Variants in MIPEP observed in about 807,000 individuals in gnomAD.
The protein encoded by MIPEP is mitochondrial intermediate peptidase.
MIPEP carries 79 observed loss-of-function variants against 90.3 expected under a neutral mutation model. That is an observed-to-expected ratio of 0.87 (90% confidence interval 0.73 to 1.05). The LOEUF (loss-of-function observed/expected upper bound fraction) is 1.05. Ranked by LOEUF, MIPEP falls within the 50% of genes least tolerant of loss-of-function variation. The pLI is 0.00. For synonymous variants in MIPEP, 334 were observed against 315.8 expected (o/e 1.06, Z -0.61); for missense variants, 940 against 905.6 (o/e 1.04, Z -0.49).
At chr13:23,772,680 G>A (rs1415661033) in intron 16 of MIPEP, among the ~76,000 whole-genome samples, 1 of 152,122 alleles carries the variant, frequency 6.6e-6, no homozygotes, top group African/African-American at 2.4e-5. Flanking sequence ...TGAGCTGATG[G>A]CCTCATATTT....
intron 18 of MIPEP, among the ~76,000 whole-genome samples, chr13:23,753,840 A>C (rs1952465578): frequency 6.6e-6 from 1 of 152,220 alleles, no homozygotes; most frequent in African/African-American, 2.4e-5. Flanking sequence ...TTCAAAGATC[A>C]AAAGCATTCC....
intron 16 of MIPEP, among the ~76,000 whole-genome samples, chr13:23,779,027 T>C (rs1952747289): frequency 6.6e-6 from 1 of 152,202 alleles, no homozygotes; most frequent in African/African-American, 2.4e-5. Flanking sequence ...AATCCTTTCT[T>C]GTTAATTTGA....
intron 5 of MIPEP, 145 bp from the exon 6 acceptor site, chr13:23,870,340 ATTG>A (rs542597013): frequency 2.9e-4 from 106 of 368,670 alleles, no homozygotes; most frequent in Non-Finnish European, 4.3e-4. Context: ...AAATGAATAT[ATTG>A]TTACTATATT....
At chr13:23,813,431 T>G (rs7325724) in intron 14 of MIPEP, among the ~76,000 whole-genome samples, 36,927 of 152,032 alleles carry the variant, frequency 0.24, 5,137 homozygotes, top group African/African-American at 0.38. Flanking sequence ...TCCTGTATAT[T>G]TGAAATCACC....
intron 18 of MIPEP, chr13:23,747,524 A>T: frequency 2.0e-6 from 1 of 509,248 alleles, no homozygotes; most frequent in South Asian, 1.4e-5. Flanking sequence ...AAACACCGTG[A>T]CAGGAAGGAG....
intron 14 of MIPEP, among the ~76,000 whole-genome samples, chr13:23,817,681 C>A (rs1953256841): frequency 6.6e-6 from 1 of 152,152 alleles, no homozygotes; most frequent in Admixed American, 6.5e-5. Context: ...GTGAGGCATG[C>A]TGCAGGTGTG....
At chr13:23,742,799 A>G (rs1952344756) in intron 18 of MIPEP, among the ~76,000 whole-genome samples, 1 of 152,100 alleles carries the variant, frequency 6.6e-6, no homozygotes, top group South Asian at 2.1e-4. Context: ...AAATAAATCC[A>G]TTTTTCTACC....
chr13:23,885,293 A>G (rs1244924437), intron 2 of MIPEP, among the ~76,000 whole-genome samples: 1 of 152,204 alleles, frequency 6.6e-6, no homozygotes, highest in Non-Finnish European at 1.5e-5. Flanking sequence ...ACCAGAGGCT[A>G]GGTAGGGTAG....
chr13:23,848,310 A>C (rs1246266923), intron 10 of MIPEP, among the ~76,000 whole-genome samples: 1 of 152,184 alleles, frequency 6.6e-6, no homozygotes, highest in Non-Finnish European at 1.5e-5. Flanking sequence ...CTTCTATTCC[A>C]GTTCCCTTCT....
chr13:23,751,885 G>T (rs1952445397), intron 18 of MIPEP, among the ~76,000 whole-genome samples: 2 of 151,736 alleles, frequency 1.3e-5, no homozygotes, highest in African/African-American at 2.4e-5. Context: ...TGTCAGGCAG[G>T]TCTCTCCAAT....
chr13:23,884,793 T>C (rs1373865243), intron 2 of MIPEP, among the ~76,000 whole-genome samples: 1 of 152,202 alleles, frequency 6.6e-6, no homozygotes, highest in Non-Finnish European at 1.5e-5. Flanking sequence ...GCCTAGACAG[T>C]GTCTGGCACA....
chr13:23,886,742 A>G (rs137873107), intron 1 of MIPEP, among the ~76,000 whole-genome samples: 9 of 151,792 alleles, frequency 5.9e-5, no homozygotes, highest in Admixed American at 5.9e-4. Flanking sequence ...CGGAAAAAAC[A>G]ACAACAACAA....
intron 14 of MIPEP, among the ~76,000 whole-genome samples, chr13:23,835,367 T>A (rs1185571291): frequency 5.3e-5 from 8 of 151,434 alleles, no homozygotes; most frequent in African/African-American, 1.5e-4. Context: ...AAAAAAAAAA[T>A]GACCAAATAA....
chr13:23,797,319 G>A (rs1952973513), intron 16 of MIPEP, among the ~76,000 whole-genome samples: 1 of 152,050 alleles, frequency 6.6e-6, no homozygotes. Flanking sequence ...CTGTCTCCTG[G>A]GCTGTGGACC....
rs1256149833 is a variant in MIPEP, at chr13:23,795,561, T to G, written c.1848+10389A>C. ...GAAATCACTTAATGGATAATTATTTTCTTATCTTCATGTCTTATCAACTAT... is the reference window on the plus strand; with the variant it reads ...GAAATCACTTAATGGATAATTATTTGCTTATCTTCATGTCTTATCAACTAT... On this transcript the variant is annotated intron_variant, in intron 16 of 18. Coordinates refer to ENST00000382172, the MANE Select transcript of MIPEP (RefSeq NM_005932.4). Among the ~76,000 whole-genome samples, 8 of 152,308 alleles carry G rather than the reference T, an allele frequency of 5.3e-5. No individual in the cohort carries two copies. The South Asian group carries it at 6.2e-4, about 12-fold the overall frequency.
chr13:23,888,848 C>G, intron 1 of MIPEP: 1 of 709,294 alleles, frequency 1.4e-6, no homozygotes, highest in Non-Finnish European at 1.9e-6. Flanking sequence ...ACGAATTCAC[C>G]GCCACTGCCA....
chr13:23,754,323 T>C (rs1470723333), intron 18 of MIPEP, among the ~76,000 whole-genome samples: 1 of 152,174 alleles, frequency 6.6e-6, no homozygotes, highest in Non-Finnish European at 1.5e-5. Context: ...ATAACCCTCT[T>C]TGCATGTCCC....
intron 14 of MIPEP, among the ~76,000 whole-genome samples, chr13:23,818,998 T>C (rs2137425448): frequency 6.6e-6 from 1 of 152,350 alleles, no homozygotes; most frequent in African/African-American, 2.4e-5. Flanking sequence ...GTGAAGTTTG[T>C]AAAGTATTTA....
chr13:23,760,700 G>GTC, intron 16 of MIPEP: 1 of 439,862 alleles, frequency 2.3e-6, no homozygotes, highest in Non-Finnish European at 4.6e-6. Flanking sequence ...AAGCCACATA[G>GTC]TCTCTGGCAT....
Sources: gnomAD v4.1 joint callset for allele counts (sites outside exome capture counted in the v4.1 genomes callset) on GRCh38, gnomAD v4.1.1 for gene constraint, MANE v1.5 for transcripts, NCBI Gene and HGNC (gene_info 2026-07-23, HGNC 2026-07-21) for gene names.